Variants in GOLGA4 observed in about 807,000 individuals in gnomAD.
GOLGA4 encodes the protein golgin subfamily A member 4.
GOLGA4 carries 169 observed loss-of-function variants against 265.9 expected under a neutral mutation model. That is an observed-to-expected ratio of 0.64 (90% CI 0.56 to 0.72). The LOEUF (loss-of-function observed/expected upper bound fraction) is 0.72, where lower values mean the gene tolerates loss of function less well. Ranked by LOEUF, GOLGA4 falls within the 30% of genes least tolerant of loss-of-function variation. The pLI is 0.00. For missense variants in GOLGA4, 2,482 were observed against 2,483.4 expected, an observed-to-expected ratio of 1.00 and a Z score of 0.01; for synonymous variants, 923 against 855.8, an observed-to-expected ratio of 1.08 and a Z score of -1.37.
At chr3:37,342,975 C>G (rs1425467973) in intron 20 of GOLGA4, among the ~76,000 whole-genome samples, 2 of 152,226 alleles carry the variant, frequency 1.3e-5, no homozygotes, top group African/African-American at 4.8e-5. Flanking sequence ...TCTCAGCTCT[C>G]TGCAACCTCC....
In GOLGA4 at chr3:37,324,083, C is replaced by T. The variant is rs769911874; in HGVS notation, c.2197C>T (p.Gln733Ter). Residue 733 changes from glutamine (Q) to a stop codon, truncating the protein, a stop_gained, in exon 14 of 24, where the codon CAG becomes TAG. Coordinates refer to ENST00000361924, the MANE Select transcript of GOLGA4 (RefSeq NM_002078.5). LOFTEE classifies it high-confidence loss of function. ...GATGGATGAACAGAAAAATCATCACCAGCAGCAAGTTGACAGTATCATTAA... is the reference window on the plus strand; with the variant it reads ...GATGGATGAACAGAAAAATCATCACTAGCAGCAAGTTGACAGTATCATTAA... Reference protein sequence around the residue: ...AKMDEQKNHHQQQVDSIIKEH... With the variant: ...AKMDEQKNHH The T allele has an allele frequency of 1.9e-6, 3 of 1,613,928 alleles. No individual in the cohort carries two copies. In the Admixed American group the frequency reaches 5.0e-5, roughly 27 times the overall value.
intron 2 of GOLGA4, among the ~76,000 whole-genome samples, chr3:37,268,379 T>C (rs1237448524): frequency 6.6e-6 from 1 of 152,092 alleles, no homozygotes; most frequent in Non-Finnish European, 1.5e-5. Flanking sequence ...CCACTATGTC[T>C]GGCCCAATTT....
At chr3:37,361,860 T>C (rs1347018828) in intron 23 of GOLGA4, among the ~76,000 whole-genome samples, 1 of 152,250 alleles carries the variant, frequency 6.6e-6, no homozygotes, top group Non-Finnish European at 1.5e-5. Flanking sequence ...TTAGGCAGCC[T>C]ACTTTAATTG....
At chr3:37,275,542 G>T (rs932615568) in intron 2 of GOLGA4, among the ~76,000 whole-genome samples, 4 of 152,126 alleles carry the variant, frequency 2.6e-5, no homozygotes, top group Admixed American at 6.5e-5. Flanking sequence ...CATTGGCCGC[G>T]GGCTTCGTTT....
chr3:37,339,050 G>A (rs1281010288), intron 19 of GOLGA4, among the ~76,000 whole-genome samples: 1 of 151,882 alleles, frequency 6.6e-6, no homozygotes, highest in Non-Finnish European at 1.5e-5. Context: ...TTTTAGTAGA[G>A]ACGGGGTTTC....
chr3:37,343,825 C>T (rs894652877), intron 20 of GOLGA4, among the ~76,000 whole-genome samples: 1 of 152,200 alleles, frequency 6.6e-6, no homozygotes, highest in Non-Finnish European at 1.5e-5. Context: ...TCTTGTCTTA[C>T]ATCAAACGTT....
chr3:37,349,081 CTCTAAAAATGAAGAGTAG>C (rs2097065423), intron 21 of GOLGA4, among the ~76,000 whole-genome samples: 1 of 152,128 alleles, frequency 6.6e-6, no homozygotes, highest in Non-Finnish European at 1.5e-5. Context: ...CCTTTTCTGG[CTCTAAAAATGAAGAGTAG>C]TCTATCATTC....
At chr3:37,341,040 G>A (rs1053419576) in intron 20 of GOLGA4, among the ~76,000 whole-genome samples, 18 of 152,128 alleles carry the variant, frequency 1.2e-4, no homozygotes, top group East Asian at 7.7e-4. Context: ...GGTGGCATGC[G>A]CCTGTAGTCC....
intron 1 of GOLGA4, among the ~76,000 whole-genome samples, chr3:37,244,417 C>T (rs1054483339): frequency 6.6e-5 from 10 of 152,130 alleles, no homozygotes; most frequent in Admixed American, 5.2e-4. Flanking sequence ...GAAAAGGAGG[C>T]GTGTTAAGTA....
intron 7 of GOLGA4, among the ~76,000 whole-genome samples, chr3:37,296,773 G>T (rs1440951056): frequency 6.6e-6 from 1 of 152,052 alleles, no homozygotes; most frequent in Non-Finnish European, 1.5e-5. Context: ...CTTTCACTAT[G>T]TTGGCCAGGC....
chr3:37,255,422 C>T (rs142399363), intron 2 of GOLGA4, among the ~76,000 whole-genome samples: 2,092 of 152,206 alleles, frequency 0.014, 46 homozygotes, highest in African/African-American at 0.048. Flanking sequence ...CTCGGCCTCC[C>T]AAAGTGCTGG....
intron 10 of GOLGA4, among the ~76,000 whole-genome samples, chr3:37,313,739 A>G (rs1276629900): frequency 6.6e-6 from 1 of 152,226 alleles, no homozygotes; most frequent in Non-Finnish European, 1.5e-5. Context: ...ACACAGGCAT[A>G]TACAGATCCT....
At chr3:37,317,132 G>A (rs1472666169) in intron 11 of GOLGA4, among the ~76,000 whole-genome samples, 1 of 151,812 alleles carries the variant, frequency 6.6e-6, no homozygotes, top group Non-Finnish European at 1.5e-5. Flanking sequence ...TATTTAGATT[G>A]TTTTCAGTTT....
chr3:37,298,886 C>G lies in GOLGA4; in HGVS notation c.868C>G (p.Arg290Gly), dbSNP rs759277142. 6.2e-7 allele frequency: 1 copy of G among 1,613,396 alleles called. No individual in the cohort carries two copies. Among genetic ancestry groups the G allele is most frequent in the Admixed American group, 1.7e-5 (1 of 59,974 alleles). Residue 290 changes from arginine to glycine, a missense_variant, in exon 8 of 24, where the codon CGT becomes GGT. By Grantham distance (125) the Arg-to-Gly change is moderately radical. Transcript: ENST00000361924. Reference sequence around the variant, plus strand: ...GGAAACACTCCAGCAAAGAGTGAAGCGTCAAGAGAACCTACTTAAGCGTTG... The same window carrying G: ...GGAAACACTCCAGCAAAGAGTGAAGGGTCAAGAGAACCTACTTAAGCGTTG... The part of the protein sequence containing the change: ...TLETLQQRVK[R>G]QENLLKRCKE...
At chr3:37,317,827 A>G (rs1486757513) in intron 11 of GOLGA4, among the ~76,000 whole-genome samples, 1 of 152,078 alleles carries the variant, frequency 6.6e-6, no homozygotes, top group Non-Finnish European at 1.5e-5. Context: ...TTATAGTGAG[A>G]ATTAGGCCTT....
intron 2 of GOLGA4, among the ~76,000 whole-genome samples, chr3:37,268,451 A>T (rs944604940): frequency 1.3e-5 from 2 of 148,706 alleles, no homozygotes; most frequent in South Asian, 2.1e-4. Flanking sequence ...AGAAGCTATT[A>T]AAAAAAAAAC....
In GOLGA4 at chr3:37,272,517, A is replaced by G. The variant is rs116815048; in HGVS notation, c.163-9441A>G. ...ATGTCATTGCACTCCATCTTGGGCA[A>G]TGGAGCAAGACCCTGTCTCAGAAAA... On this transcript the variant is annotated intron_variant, in intron 2 of 23. Coordinates refer to ENST00000361924, the MANE Select transcript of GOLGA4 (RefSeq NM_002078.5). Among the ~76,000 whole-genome samples, 521 of 152,328 alleles carry G rather than the reference A, an allele frequency of 3.4e-3. 4 individuals are homozygous for G. Among genetic ancestry groups the G allele is most frequent in the African/African-American group, 0.012 (508 of 41,574 alleles).
chr3:37,327,887 T>A, intron 14 of GOLGA4, 62 bp downstream of exon 14: 1 of 1,284,850 alleles, frequency 7.8e-7, no homozygotes, highest in East Asian at 2.3e-5. Flanking sequence ...TCTCCTTTTT[T>A]TGTGCCTAAT....
chr3:37,360,155 A>G (rs1231716599), intron 22 of GOLGA4, among the ~76,000 whole-genome samples: 1 of 152,236 alleles, frequency 6.6e-6, no homozygotes, highest in Non-Finnish European at 1.5e-5. Context: ...TTTTATAAAA[A>G]TGAGAGTATG....
Sources: gnomAD v4.1 joint callset for allele counts (sites outside exome capture counted in the v4.1 genomes callset) on GRCh38, gnomAD v4.1.1 for gene constraint, MANE v1.5 for transcripts, NCBI Gene and HGNC (gene_info 2026-07-23, HGNC 2026-07-21) for gene names.